Variants in DRAXIN observed in about 807,000 individuals in gnomAD.
DRAXIN encodes the protein dorsal repulsive axon guidance protein.
In DRAXIN, 27 loss-of-function variants were observed where a neutral mutation model predicts 33.9. The ratio of observed to expected loss-of-function variants is 0.80; its 90% confidence interval spans 0.59 to 1.10. The LOEUF is 1.10. Among genes scored for constraint, DRAXIN ranks in the 50% least tolerant of loss-of-function variants. The pLI is 0.00. For synonymous variants in DRAXIN, 178 were observed against 194.0 expected, an observed-to-expected ratio of 0.92 and a Z score of 0.69; for missense variants, 371 against 460.8, an observed-to-expected ratio of 0.81 and a Z score of 1.78.
At position 11,724,013 on chromosome 1, in the gene DRAXIN, T is replaced by A. The variant is rs1187018894; in HGVS notation, c.*4317T>A. The A allele has an allele frequency of 6.6e-6, 1 of 152,220 alleles. No individual in the cohort carries two copies. The highest frequency in any genetic ancestry group is 1.5e-5 in the Non-Finnish European group (1 of 68,044). The allele number at this position is 152,220 out of a possible 1,614,324, so 9.4% of individuals were successfully genotyped here. On this transcript the variant is annotated 3_prime_UTR_variant, in exon 7 of 7. Transcript: ENST00000294485. ...ATGTCGGTTCTTTGACAATGACCCA[T>A]CACATACTCTGAGATCATTTCTAAG...
In DRAXIN at chr1:11,715,225, T is replaced by C. The variant is rs763313436; in HGVS notation, c.937+17T>C. Reference sequence around the variant, plus strand: ...GTGTGGAAGGTGGGTCCAGACTCCTTTGCGGGGGGCTACCCATGCTCTGAG... The same window carrying C: ...GTGTGGAAGGTGGGTCCAGACTCCTCTGCGGGGGGCTACCCATGCTCTGAG... On this transcript the variant is annotated intron_variant, in intron 6 of 6. Coordinates refer to ENST00000294485, the MANE Select transcript of DRAXIN (RefSeq NM_198545.4). 1.9e-6 allele frequency: 3 copies of C among 1,614,120 alleles called. No homozygotes were observed. The highest frequency in any genetic ancestry group is 1.1e-5 in the South Asian group (1 of 91,080).
rs1641672976 is a variant in DRAXIN, at chr1:11,722,682, C to T, written c.*2986C>T. 1 of 154,126 alleles carries T rather than the reference C, an allele frequency of 6.5e-6. No homozygotes were observed. The highest frequency in any genetic ancestry group is 6.5e-5 in the Admixed American group (1 of 15,282). 9.5% of individuals were successfully genotyped at this position (154,126 alleles called of 1,614,324 possible). ...TAGGATTTGCAAGCCATCTGATCTC[C>T]ACCAGCTACTCAGCTCTGCCGTAGC... is the stretch of plus-strand genomic sequence containing the variant. On this transcript the variant is annotated 3_prime_UTR_variant, in exon 7 of 7. Coordinates refer to ENST00000294485, the MANE Select transcript of DRAXIN (RefSeq NM_198545.4).
chr1:11,688,179 G>A (rs1640995652), upstream of DRAXIN, among the ~76,000 whole-genome samples: 1 of 152,146 alleles, frequency 6.6e-6, no homozygotes, highest in Non-Finnish European at 1.5e-5. The surrounding 1 kb of genome is among the most constrained non-coding windows in gnomAD (Gnocchi z 4.6). Context: ...CCAGGCCCAG[G>A]TGACCATCAT....
chr1:11,710,837 G>T (rs1641482240), intron 3 of DRAXIN, among the ~76,000 whole-genome samples: 1 of 142,496 alleles, frequency 7.0e-6, no homozygotes, highest in Non-Finnish European at 1.5e-5. Flanking sequence ...GCAGAGAATT[G>T]CTTGAACCCG....
In DRAXIN at chr1:11,723,862, G is replaced by C. The variant is rs886643258; in HGVS notation, c.*4166G>C. On this transcript the variant is annotated 3_prime_UTR_variant, in exon 7 of 7. Coordinates refer to ENST00000294485, the MANE Select transcript of DRAXIN (RefSeq NM_198545.4). ...CCCGTCTCAGCCTCCCAAAGTGCTGGGATTACAGGCATGAGCCAGCATGCC... is the reference window on the plus strand; with the variant it reads ...CCCGTCTCAGCCTCCCAAAGTGCTGCGATTACAGGCATGAGCCAGCATGCC... The C allele has an allele frequency of 6.6e-6, 1 of 152,198 alleles. No individual in the cohort carries two copies. The highest frequency in any genetic ancestry group is 1.5e-5 in the Non-Finnish European group (1 of 68,074). The allele number at this position is 152,198 out of a possible 1,614,324, so 9.4% of individuals were successfully genotyped here.
At chr1:11,707,207 T>A (rs190783516) in intron 2 of DRAXIN, among the ~76,000 whole-genome samples, 7 of 152,202 alleles carry the variant, frequency 4.6e-5, no homozygotes, top group South Asian at 2.1e-4. Context: ...TCTCAAAAAA[T>A]AATAATAATA....
chr1:11,700,749 G>A (rs1038614458), intron 1 of DRAXIN, among the ~76,000 whole-genome samples: 2 of 152,070 alleles, frequency 1.3e-5, no homozygotes, highest in Admixed American at 6.5e-5. Flanking sequence ...TAATCCTTCC[G>A]CACCATCTGA....
At chr1:11,691,066 T>C (rs1641053581), upstream of DRAXIN, among the ~76,000 whole-genome samples, 2 of 152,130 alleles carry the variant, frequency 1.3e-5, no homozygotes, top group Non-Finnish European at 1.5e-5. Flanking sequence ...TTTGTACCCC[T>C]ACATCCAGGA....
At chr1:11,713,450 G>A (rs944027781) in intron 5 of DRAXIN, among the ~76,000 whole-genome samples, 3 of 152,226 alleles carry the variant, frequency 2.0e-5, no homozygotes, top group African/African-American at 7.2e-5. Flanking sequence ...TTCTGGAGAT[G>A]CTTTTGGTGA....
intron 1 of DRAXIN, among the ~76,000 whole-genome samples, chr1:11,703,116 G>A (rs1401098481): frequency 2.6e-5 from 4 of 152,228 alleles, no homozygotes; most frequent in Admixed American, 6.5e-5. Flanking sequence ...TATGTGCAGG[G>A]CCCTGGAGGG....
chr1:11,695,775 C>T (rs954344864), intron 1 of DRAXIN, among the ~76,000 whole-genome samples: 1 of 152,022 alleles, frequency 6.6e-6, no homozygotes, highest in Non-Finnish European at 1.5e-5. Context: ...AGGGTTGCTT[C>T]CCCCACCCAC....
upstream of DRAXIN, among the ~76,000 whole-genome samples, chr1:11,686,807 T>A (rs889743057): frequency 9.6e-6 from 1 of 104,488 alleles, no homozygotes; most frequent in Non-Finnish European, 1.9e-5. Flanking sequence ...ACTGCCACTT[T>A]AAAAAAAAAA....
upstream of DRAXIN, among the ~76,000 whole-genome samples, chr1:11,687,845 C>T (rs549868180): frequency 6.6e-5 from 10 of 152,250 alleles, no homozygotes; most frequent in Admixed American, 1.3e-4. This position sits in a 1 kb window ranked among gnomAD's most constrained non-coding sequence, Gnocchi z 4.1. Flanking sequence ...ATGGATAGAC[C>T]ACATCTGCTT....
chr1:11,686,807 TAAA>T (rs560855200), upstream of DRAXIN, among the ~76,000 whole-genome samples: 465 of 104,486 alleles, frequency 4.5e-3, 2 homozygotes, highest in African/African-American at 0.015. Flanking sequence ...ACTGCCACTT[TAAA>T]AAAAAAAAAA....
chr1:11,723,928 G>A lies in DRAXIN; in HGVS notation c.*4232G>A, dbSNP rs1014882416. 1 of 152,198 alleles carries A rather than the reference G, an allele frequency of 6.6e-6. No individual in the cohort carries two copies. The highest frequency in any genetic ancestry group is 1.5e-5 in the Non-Finnish European group (1 of 68,038). The allele number at this position is 152,198 out of a possible 1,614,324, so 9.4% of individuals were successfully genotyped here. A position where few individuals can be genotyped will look rare whatever the true frequency, so the allele number is the denominator to read the frequency against. The stretch of plus-strand genomic sequence containing the variant: ...GAATTCTTATAAGGTGTTTAGAACA[G>A]TGCCTAGCACCTAATAAACCTCCAG... On this transcript the variant is annotated 3_prime_UTR_variant, in exon 7 of 7. Coordinates refer to ENST00000294485, the MANE Select transcript of DRAXIN (RefSeq NM_198545.4).
chr1:11,690,084 T>A (rs760177134), upstream of DRAXIN, among the ~76,000 whole-genome samples: 1 of 152,122 alleles, frequency 6.6e-6, no homozygotes, highest in African/African-American at 2.4e-5. This position sits in a 1 kb window ranked among gnomAD's most constrained non-coding sequence, Gnocchi z 4.2. Context: ...CCTCGTCCCT[T>A]CATGCTTTGT....
In DRAXIN at chr1:11,709,433, C is replaced by T; in HGVS notation, c.610C>T (p.Leu204=). The T allele has an allele frequency of 6.2e-7, 1 of 1,613,954 alleles. No individual in the cohort carries two copies. Among genetic ancestry groups the T allele is most frequent in the Non-Finnish European group, 8.5e-7 (1 of 1,179,960 alleles). Residue 204 remains leucine (L), a synonymous_variant, in exon 3 of 7, where the codon CTG becomes TTG. Transcript: ENST00000294485. ...FEAAPATEES[L]ILPVTSLRPQ... ...GGCAGCACCTGCCACAGAAGAGTCC[C>T]TGATCCTGCCCGTCACCTCCCTGCG...
At chr1:11,702,263 A>G (rs1557688170) in intron 1 of DRAXIN, among the ~76,000 whole-genome samples, 1 of 150,860 alleles carries the variant, frequency 6.6e-6, no homozygotes, top group Admixed American at 6.6e-5. Flanking sequence ...ACATGCACAT[A>G]CACACCCATA....
intron 3 of DRAXIN, 143 bp from the exon 4 acceptor site, chr1:11,711,708 C>T (rs1641497949): frequency 1.4e-6 from 1 of 700,692 alleles, no homozygotes; most frequent in Admixed American, 2.6e-5. Flanking sequence ...ATCTTTATGT[C>T]CTTGGGCTGA....
Sources: gnomAD v4.1 joint callset for allele counts (sites outside exome capture counted in the v4.1 genomes callset) on GRCh38, gnomAD v4.1.1 for gene constraint, Gnocchi (gnomAD v3.1) non-coding constraint, MANE v1.5 for transcripts, NCBI Gene and HGNC (gene_info 2026-07-23, HGNC 2026-07-21) for gene names.